Variants in ZNF618 observed in about 807,000 individuals in gnomAD.
ZNF618 encodes neural precursor cell expressed, developmentally down-regulated 10.
A neutral mutation model predicts 103.0 loss-of-function variants in ZNF618; 34 were observed. The ratio of observed to expected loss-of-function variants is 0.33; its 90% CI spans 0.25 to 0.44. ZNF618 has a LOEUF of 0.44. Among genes scored for constraint, ZNF618 ranks in the 20% least tolerant of loss-of-function variants. The pLI, the probability that ZNF618 is intolerant of heterozygous loss-of-function variation, is 1.00. For synonymous variants in ZNF618, 551 were observed against 542.2 expected (o/e 1.02, Z -0.23); for missense variants, 1,059 against 1,295.4 (o/e 0.82, Z 2.80).
intron 1 of ZNF618, among the ~76,000 whole-genome samples, chr9:113,879,830 G>C (rs761860703): frequency 6.6e-6 from 1 of 151,110 alleles, no homozygotes; most frequent in African/African-American, 2.4e-5. Context: ...AATTTCAAGG[G>C]CCTGCTTTAT....
chr9:113,986,500 C>T (rs757029263), intron 2 of ZNF618, among the ~76,000 whole-genome samples: 9 of 152,308 alleles, frequency 5.9e-5, no homozygotes, highest in Non-Finnish European at 7.4e-5. Context: ...GTTGCCAGCA[C>T]GGTTGGGTTC....
chr9:113,879,445 A>G (rs1405880912), intron 1 of ZNF618, among the ~76,000 whole-genome samples: 1 of 146,066 alleles, frequency 6.8e-6, no homozygotes, highest in African/African-American at 2.5e-5. Context: ...TTTGTTGTAA[A>G]GGAAGTAGAG....
chr9:113,911,953 T>G (rs1274372815), intron 1 of ZNF618, among the ~76,000 whole-genome samples: 2 of 152,204 alleles, frequency 1.3e-5, no homozygotes, highest in African/African-American at 4.8e-5. Context: ...GACCACTTCT[T>G]TAGTGTTAGC....
intron 1 of ZNF618, among the ~76,000 whole-genome samples, chr9:113,963,324 A>G (rs1468311615): frequency 6.6e-6 from 1 of 152,240 alleles, no homozygotes; most frequent in East Asian, 1.9e-4. Context: ...TGTTTGTACT[A>G]ACATATAAAA....
intron 6 of ZNF618, among the ~76,000 whole-genome samples, chr9:114,006,235 G>A (rs1281518105): frequency 1.4e-4 from 21 of 152,218 alleles, no homozygotes; most frequent in Admixed American, 1.4e-3. Context: ...CCAGGAGAGA[G>A]GTACCCCAAC....
intron 1 of ZNF618, among the ~76,000 whole-genome samples, chr9:113,936,262 A>C (rs1197448975): frequency 6.6e-6 from 1 of 152,110 alleles, no homozygotes; most frequent in African/African-American, 2.4e-5. Flanking sequence ...TGGGCCACTC[A>C]CTCCCAGAAT....
chr9:113,877,401 C>A (rs1264425720), intron 1 of ZNF618, among the ~76,000 whole-genome samples: 2 of 151,930 alleles, frequency 1.3e-5, no homozygotes, highest in East Asian at 3.9e-4. Flanking sequence ...TTTAGCTCAG[C>A]GGGCAAAAAA....
At chr9:113,904,434 C>T (rs1402954166) in intron 1 of ZNF618, among the ~76,000 whole-genome samples, 2 of 152,052 alleles carry the variant, frequency 1.3e-5, no homozygotes, top group African/African-American at 2.4e-5. Context: ...TGCTTTCATG[C>T]CTAGCAATTT....
chr9:113,959,244 G>A (rs1387907459), intron 1 of ZNF618, among the ~76,000 whole-genome samples: 1 of 151,768 alleles, frequency 6.6e-6, no homozygotes, highest in Non-Finnish European at 1.5e-5. Flanking sequence ...CCGAGATTGC[G>A]CCATTGCACT....
Position 113,949,785 on chromosome 9 carries a change from A to G in ZNF618, c.34-19332A>G, listed in dbSNP as rs76665393. Among the ~76,000 whole-genome samples the G allele has an allele frequency of 8.9e-4, 136 of 152,302 alleles. 1 individual carries two copies. In the East Asian group the frequency reaches 0.019, roughly 21 times the overall value. ...TAATAGTGCGAAGCCTCCAAATCTG[A>G]GGGCCTTTCTAGGATCGTTTCCTGA... On this transcript the variant is annotated intron_variant, in intron 1 of 14. Coordinates refer to ENST00000374126, the MANE Select transcript of ZNF618 (RefSeq NM_001318042.2).
intron 1 of ZNF618, among the ~76,000 whole-genome samples, chr9:113,934,434 G>A (rs999603465): frequency 3.3e-5 from 5 of 152,068 alleles, no homozygotes; most frequent in Non-Finnish European, 7.4e-5. Context: ...ACAATTACAC[G>A]AACCTCCTCT....
At chr9:113,964,320 A>C (rs960739112) in intron 1 of ZNF618, among the ~76,000 whole-genome samples, 1 of 152,222 alleles carries the variant, frequency 6.6e-6, no homozygotes, top group African/African-American at 2.4e-5. Context: ...TCCATTGTGC[A>C]AGCATGACAA....
chr9:113,914,055 G>A, intron 1 of ZNF618, among the ~76,000 whole-genome samples: 1 of 152,038 alleles, frequency 6.6e-6, no homozygotes, highest in East Asian at 1.9e-4. Flanking sequence ...CCCCCAACCT[G>A]GACCACCCTT....
At chr9:113,880,626 A>G (rs1191177162) in intron 1 of ZNF618, among the ~76,000 whole-genome samples, 1 of 152,246 alleles carries the variant, frequency 6.6e-6, no homozygotes. Context: ...TGTGAAGTCA[A>G]TTTAGTGAAT....
chr9:113,878,185 C>CAAA (rs11459008), intron 1 of ZNF618, among the ~76,000 whole-genome samples: 9 of 145,476 alleles, frequency 6.2e-5, no homozygotes, highest in Non-Finnish European at 4.5e-5. Flanking sequence ...GGTTTGTGAC[C>CAAA]AAAAAAAAAA....
At chr9:114,028,561 A>G (rs1843716709) in intron 10 of ZNF618, 172 bp from the exon 11 acceptor site, 1 of 1,023,708 alleles carries the variant, frequency 9.8e-7, no homozygotes, top group Non-Finnish European at 1.4e-6. Context: ...AAGGTTCCAG[A>G]CTCCTGGACT....
In ZNF618 at chr9:113,919,306, G is replaced by T. The variant is rs1375181548; in HGVS notation, c.33+42893G>T. On this transcript the variant is annotated intron_variant, in intron 1 of 14. Transcript: ENST00000374126. ...GGCAGAGGTCCTGGGACCCCCACTG[G>T]TGTGTCTGTAGCTGGGGGCTGCTGA... 2.0e-5 allele frequency among the ~76,000 whole-genome samples: 3 copies of T among 152,202 alleles called. No homozygotes were observed. The South Asian group carries it at 6.2e-4, about 31-fold the overall frequency.
chr9:113,889,317 ATC>A lies in ZNF618; in HGVS notation c.33+12932_33+12933del, dbSNP rs10627696. ...TCCTTGGCCCTGTCTCCCCGCTACCATCTCTCTCTCTCTCTCTCTCTCTCTCT... is the reference window on the plus strand; with the variant it reads ...TCCTTGGCCCTGTCTCCCCGCTACCATCTCTCTCTCTCTCTCTCTCTCTCT... On this transcript the variant is annotated intron_variant, in intron 1 of 14. Transcript: ENST00000374126. Among the ~76,000 whole-genome samples, 248 of 138,920 alleles carry A rather than the reference ATC, an allele frequency of 1.8e-3. 2 individuals are homozygous for A. Among genetic ancestry groups the A allele is most frequent in the East Asian group, 7.8e-3 (29 of 3,732 alleles). 91.1% of individuals were successfully genotyped at this position (138,920 alleles called of 152,430 possible). A position where few individuals can be genotyped will look rare whatever the true frequency, so the allele number is the denominator to read the frequency against.
intron 3 of ZNF618, among the ~76,000 whole-genome samples, chr9:113,994,896 A>G (rs1484858158): frequency 1.3e-5 from 2 of 152,000 alleles, no homozygotes; most frequent in African/African-American, 2.4e-5. Flanking sequence ...AGTTTAAATC[A>G]TTGCAAAGGA....
Sources: allele counts gnomAD v4.1 joint callset (sites outside exome capture counted in the v4.1 genomes callset), GRCh38; gene constraint gnomAD v4.1.1; transcripts MANE v1.5; gene names NCBI Gene and HGNC (gene_info 2026-07-23, HGNC 2026-07-21).